Variants in ZNF148 observed in about 807,000 individuals in gnomAD.
ZNF148 encodes Beta-Enolase Repressor Factor-1.
Under a neutral mutation model 67.7 loss-of-function variants are expected in ZNF148, and 7 were observed. That is an observed-to-expected ratio of 0.10 (90% confidence interval 0.06 to 0.19). The LOEUF (loss-of-function observed/expected upper bound fraction) is 0.19, where lower values mean the gene tolerates loss of function less well. Among genes scored for constraint, ZNF148 ranks in the 10% least tolerant of loss-of-function variants. The pLI, the probability that ZNF148 is intolerant of heterozygous loss-of-function variation, is 1.00. For synonymous variants in ZNF148, 333 were observed against 330.7 expected (o/e 1.01, Z -0.08); for missense variants, 583 against 947.1 (o/e 0.62, Z 5.05).
At chr3:125,234,566 T>A in intron 7 of ZNF148, among the ~76,000 whole-genome samples, 1 of 152,226 alleles carries the variant, frequency 6.6e-6, no homozygotes, top group Non-Finnish European at 1.5e-5. Flanking sequence ...TGTAATACCC[T>A]CTTTCCAAGG....
intron 7 of ZNF148, among the ~76,000 whole-genome samples, chr3:125,261,274 A>G (rs557211135): frequency 3.3e-5 from 5 of 152,178 alleles, no homozygotes; most frequent in Non-Finnish European, 5.9e-5. Flanking sequence ...TAAAGACCCA[A>G]TCTGGATGAG....
At chr3:125,305,503 A>C (rs1396586587) in intron 4 of ZNF148, among the ~76,000 whole-genome samples, 1 of 152,176 alleles carries the variant, frequency 6.6e-6, no homozygotes, top group Non-Finnish European at 1.5e-5. Flanking sequence ...CAGTGAGTAC[A>C]TAAAAGAGTT....
At chr3:125,239,410 A>G (rs1936244495) in intron 7 of ZNF148, among the ~76,000 whole-genome samples, 1 of 152,216 alleles carries the variant, frequency 6.6e-6, no homozygotes, top group African/African-American at 2.4e-5. Flanking sequence ...ATGACCAATC[A>G]GCACATGAAA....
chr3:125,348,639 G>A (rs549898918), intron 1 of ZNF148, among the ~76,000 whole-genome samples: 53 of 152,272 alleles, frequency 3.5e-4, no homozygotes, highest in African/African-American at 1.2e-3. Flanking sequence ...CCATGTTCAT[G>A]GATTAGAAGA....
chr3:125,335,781 A>G (rs773368724), intron 1 of ZNF148, among the ~76,000 whole-genome samples: 1 of 152,240 alleles, frequency 6.6e-6, no homozygotes, highest in African/African-American at 2.4e-5. Flanking sequence ...TTTCATGTAG[A>G]CAGTTTCTAC....
intron 7 of ZNF148, among the ~76,000 whole-genome samples, chr3:125,242,341 C>A (rs1009583386): frequency 6.6e-6 from 1 of 152,180 alleles, no homozygotes; most frequent in African/African-American, 2.4e-5. Flanking sequence ...TCTCATATGG[C>A]CGGGTGCAGT....
rs1935656623 is a variant in ZNF148, at chr3:125,226,806, A to C, written c.*5535T>G. The C allele has an allele frequency of 6.6e-6, 1 of 152,368 alleles. No homozygotes were observed. The highest frequency in any genetic ancestry group is 2.4e-5 in the African/African-American group (1 of 41,456). The allele number at this position is 152,368 out of a possible 1,614,324, so 9.4% of individuals were successfully genotyped here. On this transcript the variant is annotated 3_prime_UTR_variant, in exon 9 of 9. Coordinates refer to ENST00000360647, the MANE Select transcript of ZNF148 (RefSeq NM_021964.3). ...ATATTTTAAAATATATCGACTTACC[A>C]AATTTCAATTGTCAGGCTGCTGACT... is the stretch of plus-strand genomic sequence containing the variant.
At chr3:125,329,649 C>T (rs954953348) in intron 2 of ZNF148, among the ~76,000 whole-genome samples, 12 of 151,566 alleles carry the variant, frequency 7.9e-5, no homozygotes, top group African/African-American at 2.2e-4. Flanking sequence ...TGAGCGATCG[C>T]GCCTAGCCAG....
At chr3:125,299,635 A>C (rs2107647142) in intron 4 of ZNF148, among the ~76,000 whole-genome samples, 1 of 152,382 alleles carries the variant, frequency 6.6e-6, no homozygotes, top group Admixed American at 6.5e-5. Flanking sequence ...GATACTGAAA[A>C]ATAGACCATG....
At chr3:125,324,530 T>C (rs1030220573) in intron 2 of ZNF148, among the ~76,000 whole-genome samples, 2 of 152,202 alleles carry the variant, frequency 1.3e-5, no homozygotes, top group African/African-American at 4.8e-5. Context: ...TGACAGTAAG[T>C]ATTCTGAGCA....
intron 1 of ZNF148, among the ~76,000 whole-genome samples, chr3:125,356,248 C>T (rs1397011673): frequency 6.6e-6 from 1 of 152,130 alleles, no homozygotes; most frequent in Non-Finnish European, 1.5e-5. Context: ...TTTGGCTCAG[C>T]CCTATTTTCC....
At chr3:125,368,513 T>G (rs1224891840) in intron 1 of ZNF148, among the ~76,000 whole-genome samples, 1 of 152,232 alleles carries the variant, frequency 6.6e-6, no homozygotes, top group Non-Finnish European at 1.5e-5. Flanking sequence ...TTAACTGGAT[T>G]TAAGGCAAAA....
chr3:125,236,222 T>G (rs979443062), intron 7 of ZNF148, among the ~76,000 whole-genome samples: 3 of 151,874 alleles, frequency 2.0e-5, no homozygotes, highest in Non-Finnish European at 4.4e-5. Context: ...CTTACACAAT[T>G]AAAAAAAAAT....
At chr3:125,295,926 T>C (rs1939258135) in intron 4 of ZNF148, among the ~76,000 whole-genome samples, 1 of 152,164 alleles carries the variant, frequency 6.6e-6, no homozygotes, top group African/African-American at 2.4e-5. Flanking sequence ...TATACAGTTA[T>C]TAATTATCAT....
At position 125,232,727 on chromosome 3, in the gene ZNF148, G is replaced by C; in HGVS notation, c.1999C>G (p.Leu667Val). 10 of 1,613,870 alleles carry C rather than the reference G, an allele frequency of 6.2e-6. No individual in the cohort carries two copies. The highest frequency in any genetic ancestry group is 7.6e-6 in the Non-Finnish European group (9 of 1,179,808). Residue 667 changes from leucine to valine, a missense_variant, in exon 9 of 9, where the codon CTA becomes GTA. This residue lies in a region of ZNF148 where 158 missense variants were observed against 208.4 expected (regional missense o/e 0.76). Coordinates refer to ENST00000360647, the MANE Select transcript of ZNF148 (RefSeq NM_021964.3). This position sits in a 1 kb window ranked among gnomAD's most constrained non-coding sequence, Gnocchi z 4.2. The stretch of plus-strand genomic sequence containing the variant: ...TGGGACTTATCTGGAGTTGTTCTTA[G>C]TGGAGAATTCATTCCTGATCGAAAG... The part of the protein sequence containing the change: ...NSFRSGMNSP[L>V]RTTPDKSHFG...
At chr3:125,326,865 T>C (rs1052788151) in intron 2 of ZNF148, among the ~76,000 whole-genome samples, 3 of 148,386 alleles carry the variant, frequency 2.0e-5, no homozygotes, top group African/African-American at 7.4e-5. Context: ...TATAAAGATA[T>C]ATATATATAT....
chr3:125,360,420 GA>G (rs1361179163), intron 1 of ZNF148, among the ~76,000 whole-genome samples: 1 of 152,062 alleles, frequency 6.6e-6, no homozygotes, highest in Non-Finnish European at 1.5e-5. Context: ...TGAGTAACTG[GA>G]ACTATAGGTG....
intron 4 of ZNF148, among the ~76,000 whole-genome samples, chr3:125,296,158 A>C (rs1051028370): frequency 6.7e-6 from 1 of 148,734 alleles, no homozygotes; most frequent in African/African-American, 2.5e-5. Flanking sequence ...GTCTCGCTCT[A>C]TCACCCAGAC....
At chr3:125,338,323 C>T (rs894042125) in intron 1 of ZNF148, among the ~76,000 whole-genome samples, 2 of 151,974 alleles carry the variant, frequency 1.3e-5, no homozygotes, top group Non-Finnish European at 2.9e-5. Context: ...ATGATAGGTA[C>T]ATATGTATAT....
Sources: gnomAD v4.1 joint callset for allele counts (sites outside exome capture counted in the v4.1 genomes callset) on GRCh38, gnomAD v4.1.1 for gene constraint, gnomAD v4.1.1 regional missense constraint, Gnocchi (gnomAD v3.1) non-coding constraint, MANE v1.5 for transcripts, NCBI Gene and HGNC (gene_info 2026-07-23, HGNC 2026-07-21) for gene names.